Variants in CLTC observed in about 807,000 individuals in gnomAD.
CLTC encodes the protein clathrin heavy chain 1.
CLTC carries 16 observed loss-of-function variants against 195.8 expected under a neutral mutation model. That is an observed-to-expected ratio of 0.08 (90% CI 0.06 to 0.12). CLTC has a LOEUF of 0.12. CLTC is among the 10% of genes least tolerant of loss of function. The pLI, the probability that CLTC is intolerant of heterozygous loss-of-function variation, is 1.00. For synonymous variants in CLTC, 667 were observed against 689.4 expected, an observed-to-expected ratio of 0.97 and a Z score of 0.51; for missense variants, 796 against 2,027.0, an observed-to-expected ratio of 0.39 and a Z score of 11.66.
At chr17:59,667,042 G>T (rs2032747649) in intron 13 of CLTC, 65 bp downstream of exon 13, 1 of 1,348,854 alleles carries the variant, frequency 7.4e-7, no homozygotes, top group East Asian at 2.3e-5. Flanking sequence ...GTATGCTTAT[G>T]ATCAGGCTGT....
At chr17:59,654,263 C>T (rs1016043977) in intron 5 of CLTC, among the ~76,000 whole-genome samples, 10 of 151,914 alleles carry the variant, frequency 6.6e-5, no homozygotes, top group South Asian at 2.1e-4. Flanking sequence ...GCACCCTCCA[C>T]GTCTCGGGTT....
intron 13 of CLTC, 142 bp downstream of exon 13, chr17:59,667,119 A>G: frequency 1.7e-6 from 1 of 597,222 alleles, no homozygotes; most frequent in Non-Finnish European, 2.9e-6. Context: ...TTTATTCAAT[A>G]TATGTCAAGG....
At chr17:59,641,765 A>G (rs1290549539) in intron 1 of CLTC, among the ~76,000 whole-genome samples, 1 of 152,142 alleles carries the variant, frequency 6.6e-6, no homozygotes, top group East Asian at 1.9e-4. Flanking sequence ...TTGGTAGCAT[A>G]TGTTTAATGA....
intron 15 of CLTC, 120 bp from the exon 16 acceptor site, chr17:59,674,581 A>T: frequency 1.1e-6 from 1 of 886,586 alleles, no homozygotes; most frequent in Non-Finnish European, 1.7e-6. Context: ...TACTGAATTT[A>T]AAAACTGAAC....
intron 14 of CLTC, 137 bp from the exon 15 acceptor site, chr17:59,673,510 G>C (rs2032899580): frequency 3.2e-6 from 2 of 632,940 alleles, no homozygotes; most frequent in African/African-American, 1.9e-5. Context: ...TCAACTATTG[G>C]GACATTCTTT....
Position 59,681,481 on chromosome 17 carries a change from A to G in CLTC, c.3249+3A>G, listed in dbSNP as rs1430658685. 6.2e-7 allele frequency: 1 copy of G among 1,613,788 alleles called. No homozygotes were observed. Among genetic ancestry groups the G allele is most frequent in the South Asian group, 1.1e-5 (1 of 91,076 alleles). The stretch of plus-strand genomic sequence containing the variant: ...ATGTCAATACTTCAGCAGTTCAGGT[A>G]AATCTTCAGATTACCTAAGTTGAAT... On this transcript the variant is annotated splice_donor_region_variant and intron_variant, in intron 20 of 31. Transcript: ENST00000269122. The surrounding 1 kb of genome is among the most constrained non-coding windows in gnomAD (Gnocchi z 5.0).
chr17:59,643,222 C>G (rs953409745), intron 1 of CLTC, among the ~76,000 whole-genome samples: 3 of 149,030 alleles, frequency 2.0e-5, no homozygotes, highest in African/African-American at 5.0e-5. Context: ...GGGGATAAAA[C>G]TAGTCTGGCC....
chr17:59,683,492 A>G lies in CLTC; in HGVS notation c.4147A>G (p.Thr1383Ala), dbSNP rs1489474572. ...CATAATTACCATGATGAATCATCCA[A>G]CTGATGCCTGGAAAGAAGGGCAATT... ...NAIITMMNHPTDAWKEGQFKD... is the reference protein window; with the variant it reads ...NAIITMMNHPADAWKEGQFKD... The change falls in exon 26 of 32, where the codon ACT becomes GCT. Residue 1383 changes from threonine (T) to alanine (A), a missense_variant. By Grantham distance (58) the Thr-to-Ala change is moderately conservative. Coordinates refer to ENST00000269122, the MANE Select transcript of CLTC (RefSeq NM_004859.4). This position sits in a 1 kb window ranked among gnomAD's most constrained non-coding sequence, Gnocchi z 6.1. 7 of 1,614,068 alleles carry G rather than the reference A, an allele frequency of 4.3e-6. No homozygotes were observed. Among genetic ancestry groups the G allele is most frequent in the Admixed American group, 3.3e-5 (2 of 60,016 alleles).
chr17:59,691,161 AG>A (rs1447300285), intron 31 of CLTC, among the ~76,000 whole-genome samples: 1 of 152,244 alleles, frequency 6.6e-6, no homozygotes, highest in Non-Finnish European at 1.5e-5. Flanking sequence ...CCAGAGAGAT[AG>A]GATCTTCAAA....
intron 1 of CLTC, among the ~76,000 whole-genome samples, chr17:59,621,869 G>A (rs558407957): frequency 2.0e-5 from 3 of 152,156 alleles, no homozygotes; most frequent in East Asian, 3.9e-4. Context: ...GGGAAAACGC[G>A]GGCTTATTTT....
rs546075643 is a variant in CLTC, at chr17:59,683,299, A to G, written c.4041+37A>G. 5 of 1,606,404 alleles carry G rather than the reference A, an allele frequency of 3.1e-6. No homozygotes were observed. The highest frequency in any genetic ancestry group is 1.7e-5 in the Admixed American group (1 of 58,966). On this transcript the variant is annotated intron_variant, in intron 25 of 31. Coordinates refer to ENST00000269122, the MANE Select transcript of CLTC (RefSeq NM_004859.4). This position sits in a 1 kb window ranked among gnomAD's most constrained non-coding sequence, Gnocchi z 6.1. ...TTGTAACACAGTGAAGCAACTGTGT[A>G]GTTAAAACTAATGCTTCAAAATATC... is the stretch of plus-strand genomic sequence containing the variant.
At chr17:59,624,965 A>G (rs1464054153) in intron 1 of CLTC, among the ~76,000 whole-genome samples, 1 of 151,422 alleles carries the variant, frequency 6.6e-6, no homozygotes. Flanking sequence ...TCACCATGCC[A>G]TGCCCAGATA....
chr17:59,691,352 C>T (rs181619983), intron 31 of CLTC, among the ~76,000 whole-genome samples: 450 of 152,148 alleles, frequency 3.0e-3, no homozygotes, highest in Non-Finnish European at 4.6e-3. Context: ...TGGCTGGGTG[C>T]GGTGGCTCAT....
At chr17:59,684,144 T>G (rs993760114) in intron 28 of CLTC, 159 bp downstream of exon 28, 5 of 575,668 alleles carry the variant, frequency 8.7e-6, no homozygotes, top group Middle Eastern at 4.6e-4. Context: ...ATCTTCTAAT[T>G]AAGTGCCAAG....
intron 13 of CLTC, among the ~76,000 whole-genome samples, chr17:59,668,439 A>G (rs968644926): frequency 6.6e-6 from 1 of 152,186 alleles, no homozygotes; most frequent in African/African-American, 2.4e-5. Flanking sequence ...AGTTCTAGCT[A>G]CTTAGGAGGT....
chr17:59,692,045 GCA>G (rs1378571363), intron 31 of CLTC, among the ~76,000 whole-genome samples: 1 of 152,172 alleles, frequency 6.6e-6, no homozygotes, highest in Non-Finnish European at 1.5e-5. Flanking sequence ...TTGGCTGGGT[GCA>G]GTGGCTCACG....
intron 1 of CLTC, among the ~76,000 whole-genome samples, chr17:59,622,758 C>A (rs1468351215): frequency 6.6e-6 from 1 of 152,116 alleles, no homozygotes; most frequent in Admixed American, 6.5e-5. Flanking sequence ...CTTTCTGAAA[C>A]ACGTAGGATA....
Position 59,682,951 on chromosome 17 carries a change from G to C in CLTC, c.3810G>C (p.Gln1270His), listed in dbSNP as rs1456527911. ...ATGGGAAAGAATTCCGTCTTGCTCA[G>C]ATGTGTGGACTTCATATTGTTGTAC... The part of the protein sequence containing the change: ...CVDGKEFRLA[Q>H]MCGLHIVVHA... The change falls in exon 24 of 32, where the codon CAG (glutamine) becomes CAC (histidine). Residue 1270 changes from glutamine to histidine, a missense_variant. Transcript: ENST00000269122. The surrounding 1 kb of genome is among the most constrained non-coding windows in gnomAD (Gnocchi z 6.8). 6.2e-7 allele frequency: 1 copy of C among 1,612,976 alleles called. No homozygotes were observed. The highest frequency in any genetic ancestry group is 8.5e-7 in the Non-Finnish European group (1 of 1,179,820).
chr17:59,651,141 A>C (rs1029582076), intron 4 of CLTC, 62 bp from the exon 5 acceptor site: 11 of 1,015,878 alleles, frequency 1.1e-5, no homozygotes, highest in Non-Finnish European at 1.7e-5. Context: ...GCTACAAATA[A>C]AGCTGCTGTG....
Sources: gnomAD v4.1 joint callset for allele counts (sites outside exome capture counted in the v4.1 genomes callset) on GRCh38, gnomAD v4.1.1 for gene constraint, Gnocchi (gnomAD v3.1) non-coding constraint, MANE v1.5 for transcripts, NCBI Gene and HGNC (gene_info 2026-07-23, HGNC 2026-07-21) for gene names.